Variants in NAALAD2 observed in about 807,000 individuals in gnomAD.
NAALAD2 encodes N-acetylated-alpha-linked acidic dipeptidase 2.
Under a neutral mutation model 95.6 loss-of-function variants are expected in NAALAD2, and 89 were observed. The observed-to-expected ratio is 0.93, with a 90% CI of 0.78 to 1.11. The LOEUF (loss-of-function observed/expected upper bound fraction) is 1.11, where lower values mean the gene tolerates loss of function less well. Ranked by LOEUF, NAALAD2 falls within the 50% of genes least tolerant of loss-of-function variation. NAALAD2 has a pLI of 0.00. For synonymous variants in NAALAD2, 264 were observed against 294.4 expected, an observed-to-expected ratio of 0.90 and a Z score of 1.06; for missense variants, 894 against 872.4, an observed-to-expected ratio of 1.02 and a Z score of -0.31.
chr11:90,185,858 CTTT>C (rs375865674), intron 18 of NAALAD2, among the ~76,000 whole-genome samples: 199 of 133,082 alleles, frequency 1.5e-3, no homozygotes, highest in African/African-American at 5.1e-3. Context: ...AGGGTAAACA[CTTT>C]TTTTTTTTTT....
chr11:90,155,485 ATAT>A (rs1483395365), intron 6 of NAALAD2, among the ~76,000 whole-genome samples: 19 of 113,880 alleles, frequency 1.7e-4, no homozygotes, highest in African/African-American at 6.9e-4. Flanking sequence ...TGTATATATT[ATAT>A]ATAATATATT....
chr11:90,165,853 T>C (rs1258900415), intron 11 of NAALAD2, among the ~76,000 whole-genome samples: 1 of 152,204 alleles, frequency 6.6e-6, no homozygotes, highest in Non-Finnish European at 1.5e-5. Flanking sequence ...ATCTGTTTTT[T>C]AAATTTCAGC....
chr11:90,168,120 A>T (rs933123781), intron 11 of NAALAD2, among the ~76,000 whole-genome samples: 1 of 151,932 alleles, frequency 6.6e-6, no homozygotes, highest in Non-Finnish European at 1.5e-5. Flanking sequence ...GAGACTACGA[A>T]CCCACCAGGA....
At chr11:90,171,607 G>A (rs531991370) in intron 13 of NAALAD2, among the ~76,000 whole-genome samples, 4 of 152,228 alleles carry the variant, frequency 2.6e-5, no homozygotes, top group Non-Finnish European at 5.9e-5. Flanking sequence ...GTGCCTCTTT[G>A]TACAAAGATA....
intron 6 of NAALAD2, among the ~76,000 whole-genome samples, chr11:90,157,146 T>G (rs1952139140): frequency 6.6e-6 from 1 of 152,206 alleles, no homozygotes; most frequent in Non-Finnish European, 1.5e-5. Context: ...CTTACTGATT[T>G]ACTATCTAAT....
intron 2 of NAALAD2, among the ~76,000 whole-genome samples, chr11:90,142,136 G>T: frequency 6.6e-6 from 1 of 152,144 alleles, no homozygotes; most frequent in South Asian, 2.1e-4. Context: ...TTTGTCAAGC[G>T]CTTTTTCTGT....
rs144141558 is a variant in NAALAD2, at chr11:90,169,390, A to C, written c.1342+398A>C. 1.5e-3 allele frequency: 231 copies of C among 159,040 alleles called. 1 individual carries two copies. The highest frequency in any genetic ancestry group is 5.1e-3 in the African/African-American group (213 of 41,626). 9.9% of individuals were successfully genotyped at this position (159,040 alleles called of 1,614,324 possible). A position where few individuals can be genotyped will look rare whatever the true frequency, so the allele number is the denominator to read the frequency against. ...AGAAATATTTCCTGTATTTGTTGTA[A>C]CAAATTTGAAGTAAGTGTACTCACT... is the stretch of plus-strand genomic sequence containing the variant. On this transcript the variant is annotated intron_variant, in intron 12 of 18. Coordinates refer to ENST00000534061, the MANE Select transcript of NAALAD2 (RefSeq NM_005467.4).
At chr11:90,149,255 C>A in intron 4 of NAALAD2, 148 bp downstream of exon 4, 1 of 391,180 alleles carries the variant, frequency 2.6e-6, no homozygotes. Context: ...CCTCATCCCT[C>A]AAATTAAAAA....
In NAALAD2 at chr11:90,155,230, G is replaced by T. The variant is rs184430109; in HGVS notation, c.796+2746G>T. On this transcript the variant is annotated intron_variant, in intron 6 of 18. Coordinates refer to ENST00000534061, the MANE Select transcript of NAALAD2 (RefSeq NM_005467.4). ...TTATATACATAATATGTATATGTGT[G>T]TGTATATATTATATACATGTATAAT... is the stretch of plus-strand genomic sequence containing the variant. Among the ~76,000 whole-genome samples the T allele has an allele frequency of 7.7e-3, 957 of 124,596 alleles. 11 individuals carry two copies. Among genetic ancestry groups the T allele is most frequent in the African/African-American group, 0.027 (913 of 33,222 alleles). 81.7% of individuals were successfully genotyped at this position (124,596 alleles called of 152,430 possible).
At chr11:90,171,695 A>G (rs1305719104) in intron 13 of NAALAD2, among the ~76,000 whole-genome samples, 1 of 152,134 alleles carries the variant, frequency 6.6e-6, no homozygotes, top group East Asian at 1.9e-4. Context: ...TGATTATTAC[A>G]ATTTTATTAA....
chr11:90,167,145 G>T (rs945159101), intron 11 of NAALAD2, among the ~76,000 whole-genome samples: 1 of 152,202 alleles, frequency 6.6e-6, no homozygotes, highest in Non-Finnish European at 1.5e-5. Context: ...TTTCTGGGCT[G>T]GCCAAGGCTG....
chr11:90,146,052 A>G (rs145671716), intron 2 of NAALAD2, among the ~76,000 whole-genome samples: 1 of 152,172 alleles, frequency 6.6e-6, no homozygotes, highest in East Asian at 1.9e-4. Flanking sequence ...GGTAACTACA[A>G]TTTTGGATTC....
chr11:90,177,843 T>G lies in NAALAD2; in HGVS notation c.1594-10T>G, dbSNP rs1006492029. The G allele has an allele frequency of 6.3e-7, 1 of 1,593,320 alleles. No individual in the cohort carries two copies. Among genetic ancestry groups the G allele is most frequent in the African/African-American group, 1.4e-5 (1 of 73,434 alleles). ...GTTTATTTATACTTGCCTCTCCATT[T>G]TTTTTTCAGAAAACAGATAAGTACA... On this transcript the variant is annotated splice_polypyrimidine_tract_variant and intron_variant, in intron 15 of 18. Coordinates refer to ENST00000534061, the MANE Select transcript of NAALAD2 (RefSeq NM_005467.4).
chr11:90,173,262 A>G (rs1226074062), intron 13 of NAALAD2, among the ~76,000 whole-genome samples: 1 of 152,200 alleles, frequency 6.6e-6, no homozygotes, highest in Non-Finnish European at 1.5e-5. Flanking sequence ...TAAAAAATCC[A>G]TAAAATTTTA....
chr11:90,166,851 A>T (rs2134933367), intron 11 of NAALAD2, among the ~76,000 whole-genome samples: 1 of 151,180 alleles, frequency 6.6e-6, no homozygotes, highest in East Asian at 2.0e-4. Flanking sequence ...AAAAAAAAAA[A>T]AGAAAATGCA....
chr11:90,181,067 G>T (rs896627524), intron 16 of NAALAD2, among the ~76,000 whole-genome samples: 1 of 152,056 alleles, frequency 6.6e-6, no homozygotes, highest in East Asian at 1.9e-4. Context: ...TGATACTGAG[G>T]TATGACTGTA....
At chr11:90,161,578 T>C (rs1590991009) in intron 8 of NAALAD2, among the ~76,000 whole-genome samples, 1 of 152,176 alleles carries the variant, frequency 6.6e-6, no homozygotes, top group East Asian at 1.9e-4. Flanking sequence ...CGTGATAAGT[T>C]TGAAGTAATA....
At position 90,144,460 on chromosome 11, in the gene NAALAD2, G is replaced by T. The variant is rs145103078; in HGVS notation, c.195-2870G>T. On this transcript the variant is annotated intron_variant, in intron 2 of 18. Coordinates refer to ENST00000534061, the MANE Select transcript of NAALAD2 (RefSeq NM_005467.4). ...GAAACCAGTTAAGACAAGGAGGTTG[G>T]CTGGGCACGTTGGCTCATGCCTGTA... 3.4e-3 allele frequency among the ~76,000 whole-genome samples: 515 copies of T among 152,138 alleles called. 4 individuals carry two copies. The highest frequency in any genetic ancestry group is 7.6e-3 in the Admixed American group (116 of 15,282).
At chr11:90,167,638 C>T (rs1952510085) in intron 11 of NAALAD2, among the ~76,000 whole-genome samples, 1 of 152,162 alleles carries the variant, frequency 6.6e-6, no homozygotes, top group Non-Finnish European at 1.5e-5. Context: ...ATCTTTATGT[C>T]TAGCTAAGGG....
Sources: allele counts gnomAD v4.1 joint callset (sites outside exome capture counted in the v4.1 genomes callset), GRCh38; gene constraint gnomAD v4.1.1; transcripts MANE v1.5; gene names NCBI Gene and HGNC (gene_info 2026-07-23, HGNC 2026-07-21).